Variants in NRG4 observed in about 807,000 individuals in gnomAD.
NRG4 encodes the protein pro-neuregulin-4, membrane-bound isoform.
A neutral mutation model predicts 15.0 loss-of-function variants in NRG4; 10 were observed. That is an observed-to-expected ratio of 0.67 (90% confidence interval 0.41 to 1.13). The LOEUF is 1.13. Among genes scored for constraint, NRG4 ranks in the 50% most tolerant of loss-of-function variants. NRG4 has a pLI of 0.00. For synonymous variants in NRG4, 41 were observed against 50.1 expected, an observed-to-expected ratio of 0.82 and a Z score of 0.77; for missense variants, 139 against 140.2, an observed-to-expected ratio of 0.99 and a Z score of 0.04.
intron 4 of NRG4, among the ~76,000 whole-genome samples, chr15:76,037,913 C>T (rs1038666535): frequency 6.6e-6 from 1 of 152,158 alleles, no homozygotes; most frequent in Non-Finnish European, 1.5e-5. Context: ...AGCTCAGCCA[C>T]AGTCGGATAC....
Position 75,982,657 on chromosome 15 carries a change from T to G in NRG4, c.105-20683A>C, listed in dbSNP as rs1026118482. Among the ~76,000 whole-genome samples, 3 of 152,236 alleles carry G rather than the reference T, an allele frequency of 2.0e-5. No homozygotes were observed. The South Asian group carries it at 6.2e-4, about 31-fold the overall frequency. Reference sequence around the variant, plus strand: ...GAGGAAGTACAAGTAAATTCCTGCTTCTGCAGCTTTTAGCCTGGGGCTAAG... The same window carrying G: ...GAGGAAGTACAAGTAAATTCCTGCTGCTGCAGCTTTTAGCCTGGGGCTAAG... On this transcript the variant is annotated intron_variant, in intron 3 of 5. Transcript: ENST00000394907.
chr15:75,976,428 G>A (rs1301517244), intron 3 of NRG4, among the ~76,000 whole-genome samples: 2 of 152,154 alleles, frequency 1.3e-5, no homozygotes, highest in African/African-American at 2.4e-5. Flanking sequence ...TCTGGCTTTT[G>A]GAATTTTCAG....
intron 4 of NRG4, among the ~76,000 whole-genome samples, chr15:76,037,001 CA>C (rs985888662): frequency 4.0e-5 from 6 of 150,110 alleles, no homozygotes; most frequent in African/African-American, 1.2e-4. Context: ...AAGACTCCAC[CA>C]AAAAAAAACT....
chr15:75,955,739 A>G (rs2032197618), intron 5 of NRG4, among the ~76,000 whole-genome samples, 193 bp downstream of exon 5: 1 of 144,264 alleles, frequency 6.9e-6, no homozygotes. Context: ...AAAAAATGTG[A>G]TTTGTGTCAT....
chr15:75,937,508 C>CAAAAAAAAAAA, downstream of NRG4: 1 of 83,224 alleles, frequency 1.2e-5, no homozygotes, highest in Non-Finnish European at 2.5e-5. Context: ...GACTCTGTCT[C>CAAAAAAAAAAA]AAAAAAAAAA....
At chr15:75,960,585 T>C (rs1375661305) in intron 4 of NRG4, among the ~76,000 whole-genome samples, 1 of 152,206 alleles carries the variant, frequency 6.6e-6, no homozygotes, top group Non-Finnish European at 1.5e-5. Context: ...GAAGTTCAGC[T>C]GGAGCTGGTT....
At chr15:76,032,396 A>C (rs564793736) in intron 5 of NRG4, among the ~76,000 whole-genome samples, 1 of 152,162 alleles carries the variant, frequency 6.6e-6, no homozygotes, top group Non-Finnish European at 1.5e-5. Flanking sequence ...TTAGGCATTT[A>C]ATAAATAACA....
At chr15:76,039,744 A>T (rs2035685196) in intron 4 of NRG4, among the ~76,000 whole-genome samples, 1 of 152,184 alleles carries the variant, frequency 6.6e-6, no homozygotes, top group Non-Finnish European at 1.5e-5. Flanking sequence ...ATTAATAACC[A>T]AGTACAAAAA....
At chr15:76,013,629 G>A (rs534585332), upstream of NRG4, among the ~76,000 whole-genome samples, 2 of 152,246 alleles carry the variant, frequency 1.3e-5, no homozygotes, top group South Asian at 4.2e-4. Context: ...TGCTGAGAAT[G>A]ATGGTTTCCA....
chr15:75,975,411 T>TGC (rs2033319700), intron 3 of NRG4, among the ~76,000 whole-genome samples: 1 of 152,234 alleles, frequency 6.6e-6, no homozygotes, highest in African/African-American at 2.4e-5. Flanking sequence ...CTGGTTATTT[T>TGC]GCCTGTTAAT....
chr15:76,047,471 C>T (rs894171920), intron 4 of NRG4, among the ~76,000 whole-genome samples: 1 of 150,764 alleles, frequency 6.6e-6, no homozygotes, highest in Non-Finnish European at 1.5e-5. Flanking sequence ...TCATTTGCAG[C>T]AACATAGATG....
Position 76,055,410 on chromosome 15 carries a change from A to T in NRG4, c.-262+1544T>A, listed in dbSNP as rs888138073. 2.0e-5 allele frequency among the ~76,000 whole-genome samples: 3 copies of T among 152,242 alleles called. No individual in the cohort carries two copies. The East Asian group carries it at 5.8e-4, about 29-fold the overall frequency. On this transcript the variant is annotated intron_variant, in intron 2 of 8. Coordinates refer to the NRG4 transcript ENST00000563910. ...GGTCACATAGAACAATGTTTAAGTA[A>T]TCAAGTTCTGTCTCTTCATCCTTAA... is the stretch of plus-strand genomic sequence containing the variant.
upstream of NRG4, among the ~76,000 whole-genome samples, chr15:76,016,756 T>C (rs1457050015): frequency 6.6e-6 from 1 of 152,216 alleles, no homozygotes; most frequent in Non-Finnish European, 1.5e-5. Flanking sequence ...CTTCCAATTA[T>C]GTGGTCAATT....
At chr15:75,968,716 C>CA (rs1170448513) in intron 3 of NRG4, among the ~76,000 whole-genome samples, 3 of 151,496 alleles carry the variant, frequency 2.0e-5, no homozygotes, top group African/African-American at 7.3e-5. Flanking sequence ...GCCTGGGCAA[C>CA]ATAGCAAGAC....
At chr15:75,979,345 T>C (rs1226080854) in intron 3 of NRG4, among the ~76,000 whole-genome samples, 1 of 152,216 alleles carries the variant, frequency 6.6e-6, no homozygotes, top group Non-Finnish European at 1.5e-5. Context: ...CTCTTTATAC[T>C]GTTCTTTTCT....
At chr15:76,001,681 T>C (rs1383887807) in intron 3 of NRG4, among the ~76,000 whole-genome samples, 1 of 152,186 alleles carries the variant, frequency 6.6e-6, no homozygotes, top group East Asian at 1.9e-4. Context: ...TTTCCTTGAA[T>C]TTGCAAAAAG....
intron 3 of NRG4, among the ~76,000 whole-genome samples, chr15:75,976,082 A>AG (rs2033351682): frequency 6.6e-6 from 1 of 151,992 alleles, no homozygotes; most frequent in African/African-American, 2.4e-5. Context: ...TATTTCATCA[A>AG]TTGATCTTCA....
chr15:76,058,498 T>TG lies in NRG4; in HGVS notation c.-328+1156dup, dbSNP rs201506243. Among the ~76,000 whole-genome samples, 1,329 of 152,282 alleles carry TG rather than the reference T, an allele frequency of 8.7e-3. 20 individuals carry two copies. The highest frequency in any genetic ancestry group is 0.03 in the African/African-American group (1,248 of 41,540). ...ATCCAGGGAAGGTAGTCCAAGACCG[T>TG]GGGGCAATTCCAAGAGGTGGTTTTG... On this transcript the variant is annotated intron_variant, in intron 1 of 8. Coordinates refer to the NRG4 transcript ENST00000563910.
At chr15:76,000,935 T>C (rs1041711551) in intron 3 of NRG4, among the ~76,000 whole-genome samples, 2 of 152,154 alleles carry the variant, frequency 1.3e-5, no homozygotes, top group African/African-American at 2.4e-5. Context: ...ATAGTACATA[T>C]AGCAATACTC....
Sources: gnomAD v4.1 joint callset for allele counts (sites outside exome capture counted in the v4.1 genomes callset) on GRCh38, gnomAD v4.1.1 for gene constraint, MANE v1.5 for transcripts, NCBI Gene and HGNC (gene_info 2026-07-23, HGNC 2026-07-21) for gene names.